YIPF4: variants seen among roughly 807,000 people sequenced by gnomAD.
The protein encoded by YIPF4 is Yip1 domain family member 4.
YIPF4 carries 18 observed loss-of-function variants against 29.4 expected under a neutral mutation model. The ratio of observed to expected loss-of-function variants is 0.61; its 90% CI spans 0.42 to 0.91. The LOEUF is 0.91. Among genes scored for constraint, YIPF4 ranks in the 40% least tolerant of loss-of-function variants. The probability of loss-of-function intolerance (pLI) is 0.00; values close to 1 mark genes in which losing one functional copy is unlikely to be tolerated. For missense variants in YIPF4, 279 were observed against 282.7 expected, an observed-to-expected ratio of 0.99 and a Z score of 0.09; for synonymous variants, 115 against 104.7, an observed-to-expected ratio of 1.10 and a Z score of -0.60.
intron 1 of YIPF4, among the ~76,000 whole-genome samples, chr2:32,288,400 C>G (rs1284467388): frequency 6.6e-6 from 1 of 152,100 alleles, no homozygotes; most frequent in Non-Finnish European, 1.5e-5. Flanking sequence ...AAGTACAGTC[C>G]TTTCTAGAAA....
At position 32,294,322 on chromosome 2, in the gene YIPF4, C is replaced by T. The variant is rs1256095174; in HGVS notation, c.405+1974C>T. 2.7e-5 allele frequency among the ~76,000 whole-genome samples: 4 copies of T among 150,498 alleles called. No individual in the cohort carries two copies. In the East Asian group the frequency reaches 6.0e-4, roughly 22 times the overall value. ...CTCACTTCTCAGACGGGGCGGCTGCCGGGCGGACGGGCTCCTCACTTCTCA... is the reference window on the plus strand; with the variant it reads ...CTCACTTCTCAGACGGGGCGGCTGCTGGGCGGACGGGCTCCTCACTTCTCA... On this transcript the variant is annotated intron_variant, in intron 3 of 5. Coordinates refer to ENST00000238831, the MANE Select transcript of YIPF4 (RefSeq NM_032312.4).
rs1228517861 is a variant in YIPF4 at position 32,307,300 on chromosome 2, G to A, written c.*1674G>A. On this transcript the variant is annotated 3_prime_UTR_variant, in exon 6 of 6. Transcript: ENST00000238831. ...TTGACCCTGGAATCTTTCACAGAAAGCTTGGGGGTCAGGACCAGGAGGTAG... is the reference window on the plus strand; with the variant it reads ...TTGACCCTGGAATCTTTCACAGAAAACTTGGGGGTCAGGACCAGGAGGTAG... The A allele has an allele frequency of 8.7e-6, 3 of 343,384 alleles. No individual in the cohort carries two copies. The highest frequency in any genetic ancestry group is 1.4e-5 in the Non-Finnish European group (3 of 217,436). 21.3% of individuals were successfully genotyped at this position (343,384 alleles called of 1,614,324 possible).
intron 3 of YIPF4, among the ~76,000 whole-genome samples, chr2:32,293,917 A>C: frequency 8.2e-6 from 1 of 122,160 alleles, no homozygotes. Flanking sequence ...TCCCTCCCGG[A>C]CGGGGCGGCT....
At chr2:32,282,477 G>C (rs2030465817) in intron 1 of YIPF4, among the ~76,000 whole-genome samples, 1 of 152,134 alleles carries the variant, frequency 6.6e-6, no homozygotes. Flanking sequence ...CTGTCGCCCA[G>C]GCTGGAGTGC....
chr2:32,300,562 C>T (rs1423688092), intron 4 of YIPF4, among the ~76,000 whole-genome samples: 1 of 151,870 alleles, frequency 6.6e-6, no homozygotes, highest in African/African-American at 2.4e-5. Context: ...AGAGTAACAT[C>T]TGTGAAACCT....
chr2:32,307,791 G>T lies in YIPF4; in HGVS notation c.*2165G>T, dbSNP rs1461108737. On this transcript the variant is annotated 3_prime_UTR_variant, in exon 6 of 6. Transcript: ENST00000238831. The stretch of plus-strand genomic sequence containing the variant: ...AAAATACAAAAATTAGCCGGGCGTG[G>T]TGGCAGGCGCCTGTATAATCCCAGC... 6.6e-6 allele frequency: 1 copy of T among 152,024 alleles called. No individual in the cohort carries two copies. Among genetic ancestry groups the T allele is most frequent in the Non-Finnish European group, 1.5e-5 (1 of 68,074 alleles). 9.4% of individuals were successfully genotyped at this position (152,024 alleles called of 1,614,324 possible).
At chr2:32,290,038 TAGTA>T (rs1471828215) in intron 1 of YIPF4, among the ~76,000 whole-genome samples, 1 of 152,224 alleles carries the variant, frequency 6.6e-6, no homozygotes, top group Non-Finnish European at 1.5e-5. Flanking sequence ...GAATTTCCTT[TAGTA>T]AATAAATTGT....
intron 1 of YIPF4, among the ~76,000 whole-genome samples, chr2:32,281,001 A>T (rs756828536): frequency 6.6e-6 from 1 of 152,104 alleles, no homozygotes. Flanking sequence ...TACTTTTTTT[A>T]AATATGCCTA....
At chr2:32,292,052 G>A (rs998795289) in intron 2 of YIPF4, 125 bp from the exon 3 acceptor site, 2 of 545,948 alleles carry the variant, frequency 3.7e-6, no homozygotes, top group Non-Finnish European at 5.9e-6. Context: ...CACTTCAAAT[G>A]CAAATGTTTT....
At chr2:32,300,452 A>G (rs76869840) in intron 4 of YIPF4, among the ~76,000 whole-genome samples, 2 of 151,448 alleles carry the variant, frequency 1.3e-5, no homozygotes, top group African/African-American at 4.9e-5. Context: ...AAAAAAAAAA[A>G]AAAGAGTTTC....
At position 32,307,090 on chromosome 2, in the gene YIPF4, T is replaced by C. The variant is rs1247783979; in HGVS notation, c.*1464T>C. On this transcript the variant is annotated 3_prime_UTR_variant, in exon 6 of 6. Transcript: ENST00000238831. ...AATGTAGAAAATTACATGTACTGAT[T>C]TTTTTAAAAACAGGTGAGAAGCACC... 2 of 1,290,688 alleles carry C rather than the reference T, an allele frequency of 1.5e-6. No homozygotes were observed. Among genetic ancestry groups the C allele is most frequent in the Admixed American group, 5.0e-5 (2 of 40,130 alleles). 80.0% of individuals were successfully genotyped at this position (1,290,688 alleles called of 1,614,324 possible). A position where few individuals can be genotyped will look rare whatever the true frequency, so the allele number is the denominator to read the frequency against.
At chr2:32,283,692 A>G (rs536157385) in intron 1 of YIPF4, among the ~76,000 whole-genome samples, 3 of 151,888 alleles carry the variant, frequency 2.0e-5, no homozygotes, top group Non-Finnish European at 4.4e-5. Flanking sequence ...TTGTTGAATA[A>G]ATTATTTTTG....
intron 4 of YIPF4, among the ~76,000 whole-genome samples, chr2:32,299,994 C>T (rs1450552744): frequency 9.2e-5 from 14 of 152,106 alleles, no homozygotes; most frequent in Admixed American, 2.6e-4. Context: ...TTGCTGGGCG[C>T]GGTAGCTCAC....
intron 1 of YIPF4, among the ~76,000 whole-genome samples, chr2:32,279,592 G>A (rs1216983710): frequency 7.8e-6 from 1 of 128,532 alleles, no homozygotes; most frequent in African/African-American, 3.0e-5. Flanking sequence ...TTTTTTTTTA[G>A]TAGAGACGGG....
Position 32,298,248 on chromosome 2 carries a change from T to G in YIPF4, c.420T>G (p.Ile140Met). 1 of 1,610,450 alleles carries G rather than the reference T, an allele frequency of 6.2e-7. No homozygotes were observed. The highest frequency in any genetic ancestry group is 8.5e-7 in the Non-Finnish European group (1 of 1,177,520). ...TTCCCCCTAAGGTGGTCTCATGGAT[T>G]ATAACCATTTGGATATTTGGTTCAC... is the stretch of plus-strand genomic sequence containing the variant. ...LYGQFRVVSW[I>M]ITIWIFGSLT... The change falls in exon 4 of 6, where the codon ATT (isoleucine) becomes ATG (methionine). Residue 140 changes from isoleucine to methionine, a missense_variant. Physicochemically the swap from Ile to Met is conservative, Grantham distance 10. Transcript: ENST00000238831.
At chr2:32,302,318 T>C (rs778315869) in intron 5 of YIPF4, among the ~76,000 whole-genome samples, 11 of 151,966 alleles carry the variant, frequency 7.2e-5, no homozygotes, top group Non-Finnish European at 1.6e-4. Context: ...CGTGAGCCAC[T>C]GCTCCCGGCT....
chr2:32,288,351 T>C (rs1312234300), intron 1 of YIPF4, among the ~76,000 whole-genome samples: 1 of 152,202 alleles, frequency 6.6e-6, no homozygotes, highest in Non-Finnish European at 1.5e-5. Context: ...CTTAGCACTA[T>C]AATTTATATA....
chr2:32,282,714 G>A (rs2030480575), intron 1 of YIPF4, among the ~76,000 whole-genome samples: 1 of 152,032 alleles, frequency 6.6e-6, no homozygotes, highest in South Asian at 2.1e-4. Context: ...TTACAGGTGT[G>A]AGCCACTGTG....
Position 32,307,398 on chromosome 2 carries a change from A to T in YIPF4, c.*1772A>T, listed in dbSNP as rs149568516. On this transcript the variant is annotated 3_prime_UTR_variant, in exon 6 of 6. Coordinates refer to ENST00000238831, the MANE Select transcript of YIPF4 (RefSeq NM_032312.4). ...AAAAATGGTTTAATTTTTAAAAACT[A>T]TCATTGCTTTAAGGTATGAATTTTA... 5.5e-6 allele frequency: 1 copy of T among 181,142 alleles called. No homozygotes were observed. The highest frequency in any genetic ancestry group is 1.2e-5 in the Non-Finnish European group (1 of 81,704). The allele number at this position is 181,142 out of a possible 1,614,324, so 11.2% of individuals were successfully genotyped here.
Sources: gnomAD v4.1 joint callset for allele counts (sites outside exome capture counted in the v4.1 genomes callset) on GRCh38, gnomAD v4.1.1 for gene constraint, MANE v1.5 for transcripts, NCBI Gene and HGNC (gene_info 2026-07-23, HGNC 2026-07-21) for gene names.